The following NFKBIB variants were observed in gnomAD, a reference collection of about 807,000 sequenced individuals.
NFKBIB encodes NF-kappa-B inhibitor beta.
NFKBIB carries 16 observed loss-of-function variants against 32.1 expected under a neutral mutation model. That is an observed-to-expected ratio of 0.50 (90% CI 0.34 to 0.76). The LOEUF is 0.76. Among genes scored for constraint, NFKBIB ranks in the 30% least tolerant of loss-of-function variants. NFKBIB has a pLI of 0.01. For synonymous variants in NFKBIB, 222 were observed against 219.5 expected, an observed-to-expected ratio of 1.01 and a Z score of -0.10; for missense variants, 437 against 514.9, an observed-to-expected ratio of 0.85 and a Z score of 1.46.
chr19:38,905,581 G>A lies in NFKBIB; in HGVS notation c.619+46G>A, dbSNP rs1242569625. On this transcript the variant is annotated intron_variant, in intron 3 of 5. Transcript: ENST00000313582. This position sits in a 1 kb window ranked among gnomAD's most constrained non-coding sequence, Gnocchi z 5.5. The stretch of plus-strand genomic sequence containing the variant: ...AGGACTCAGCTCCTGGGCTAGGCGA[G>A]AGCACCTGGCCCTGGGCTCAGCTTC... The A allele has an allele frequency of 1.4e-6, 2 of 1,468,740 alleles. No homozygotes were observed. Among genetic ancestry groups the A allele is most frequent in the East Asian group, 4.6e-5 (2 of 43,742 alleles). The allele number at this position is 1,468,740 out of a possible 1,614,324, so 91.0% of individuals were successfully genotyped here. A position where few individuals can be genotyped will look rare whatever the true frequency, so the allele number is the denominator to read the frequency against.
chr19:38,908,029 A>C, intron 5 of NFKBIB: 1 of 1,100,326 alleles, frequency 9.1e-7, no homozygotes, highest in Admixed American at 4.7e-5. Context: ...TGATTTGAAC[A>C]CCGGCAGTGC....
chr19:38,907,731 A>C (rs1263692799), intron 5 of NFKBIB, 72 bp downstream of exon 5: 3 of 1,484,322 alleles, frequency 2.0e-6, no homozygotes, highest in African/African-American at 2.8e-5. Context: ...AAGCCCAAGA[A>C]GATAATTAGG....
chr19:38,907,337 G>A (rs375166067), intron 4 of NFKBIB, 28 bp downstream of exon 4: 104 of 1,606,508 alleles, frequency 6.5e-5, no homozygotes, highest in Non-Finnish European at 8.2e-5. Context: ...GGAAGATGCC[G>A]TCGGCGGGAG....
rs1235021942 is a variant in NFKBIB, at chr19:38,905,996, A to C, written c.619+461A>C. On this transcript the variant is annotated intron_variant, in intron 3 of 5. Transcript: ENST00000313582. This position sits in a 1 kb window ranked among gnomAD's most constrained non-coding sequence, Gnocchi z 5.5. Reference sequence around the variant, plus strand: ...CATCTGCCCACAGCCCTGACATCCAAGTTTCTGCTCCCCTGCCTATAAGCC... The same window carrying C: ...CATCTGCCCACAGCCCTGACATCCACGTTTCTGCTCCCCTGCCTATAAGCC... Among the ~76,000 whole-genome samples, 10 of 152,016 alleles carry C rather than the reference A, an allele frequency of 6.6e-5. No homozygotes were observed. Among genetic ancestry groups the C allele is most frequent in the Admixed American group, 5.9e-4 (9 of 15,272 alleles).
At chr19:38,907,036 G>C (rs1280088788) in intron 3 of NFKBIB, among the ~76,000 whole-genome samples, 185 bp from the exon 4 acceptor site, 1 of 152,226 alleles carries the variant, frequency 6.6e-6, no homozygotes, top group East Asian at 1.9e-4. Flanking sequence ...GCACTTGCCA[G>C]CAAGCTCAGG....
chr19:38,902,085 C>CTTTTTTTTTTTCTTTTTTTTTTTT (rs1973985192), intron 1 of NFKBIB, among the ~76,000 whole-genome samples: 1 of 92,368 alleles, frequency 1.1e-5, no homozygotes, highest in African/African-American at 3.9e-5. Flanking sequence ...CATTTTATTT[C>CTTTTTTTTTTTCTTTTTTTTTTTT]TTTTTTTTTT....
chr19:38,908,639 A>C, intron 5 of NFKBIB, 92 bp from the exon 6 acceptor site: 1 of 1,452,156 alleles, frequency 6.9e-7, no homozygotes, highest in Non-Finnish European at 9.1e-7. Flanking sequence ...CTTTGAGGCG[A>C]GACCTAATTC....
At chr19:38,902,984 G>A (rs1035442899) in intron 1 of NFKBIB, among the ~76,000 whole-genome samples, 3 of 152,102 alleles carry the variant, frequency 2.0e-5, no homozygotes, top group Admixed American at 6.5e-5. Context: ...CAGGAGAATC[G>A]CTTGAACCCG....
In NFKBIB at chr19:38,908,408, G is replaced by A. The variant is rs1022804520; in HGVS notation, c.970-323G>A. The A allele has an allele frequency of 4.4e-5, 34 of 778,496 alleles. No homozygotes were observed. The South Asian group carries it at 7.2e-4, about 16-fold the overall frequency. The allele number at this position is 778,496 out of a possible 1,614,324, so 48.2% of individuals were successfully genotyped here. A position where few individuals can be genotyped will look rare whatever the true frequency, so the allele number is the denominator to read the frequency against. On this transcript the variant is annotated intron_variant, in intron 5 of 5. Coordinates refer to ENST00000313582, the MANE Select transcript of NFKBIB (RefSeq NM_002503.5). ...ACAAAAATTAGCTGGGCGTGGTGGCGCATGCCTATAATCCCAGCTACTTGG... is the reference window on the plus strand; with the variant it reads ...ACAAAAATTAGCTGGGCGTGGTGGCACATGCCTATAATCCCAGCTACTTGG...
At chr19:38,907,705 T>C (rs1285500646) in intron 5 of NFKBIB, 46 bp downstream of exon 5, 9 of 1,528,800 alleles carry the variant, frequency 5.9e-6, no homozygotes, top group Non-Finnish European at 7.9e-6. Flanking sequence ...GGGGTCAGGA[T>C]AGACCGGCAG....
chr19:38,907,766 G>C, intron 5 of NFKBIB, 107 bp downstream of exon 5: 2 of 1,456,134 alleles, frequency 1.4e-6, no homozygotes, highest in Admixed American at 2.6e-5. Flanking sequence ...TGCTGTTAGA[G>C]AACTCAGGCA....
chr19:38,905,066 TCTA>T lies in NFKBIB; in HGVS notation c.232_234del (p.Leu78del). 4 of 1,614,160 alleles carry T rather than the reference TCTA, an allele frequency of 2.5e-6. No individual in the cohort carries two copies. Among genetic ancestry groups the T allele is most frequent in the Non-Finnish European group, 2.5e-6 (3 of 1,180,024 alleles). On this transcript the variant is annotated inframe_deletion, in exon 2 of 6. Transcript: ENST00000313582. This position sits in a 1 kb window ranked among gnomAD's most constrained non-coding sequence, Gnocchi z 5.5. The stretch of plus-strand genomic sequence containing the variant: ...AGCATGAACCCTTCCTGGATTTTCT[TCTA>T]GGCTTCTCGGCCGGCACTGAGTACA...
chr19:38,908,188 A>C lies in NFKBIB; in HGVS notation c.969+529A>C, dbSNP rs535872703. On this transcript the variant is annotated intron_variant, in intron 5 of 5. Transcript: ENST00000313582. ...GGAAGGGGTGGAGGAGGGCCAGCTC[A>C]GTTGCCGAAACTCTGGAGTGGCGGC... 114 of 994,222 alleles carry C rather than the reference A, an allele frequency of 1.1e-4. 1 individual carries two copies. In the South Asian group the frequency reaches 4.3e-3, roughly 38 times the overall value. 61.6% of individuals were successfully genotyped at this position (994,222 alleles called of 1,614,324 possible). A position where few individuals can be genotyped will look rare whatever the true frequency, so the allele number is the denominator to read the frequency against.
chr19:38,905,055 C>T lies in NFKBIB; in HGVS notation c.220C>T (p.Leu74=). 4.3e-6 allele frequency: 7 copies of T among 1,614,126 alleles called. No individual in the cohort carries two copies. Among genetic ancestry groups the T allele is most frequent in the Non-Finnish European group, 5.9e-6 (7 of 1,180,010 alleles). The change falls in exon 2 of 6, where the codon CTG becomes TTG. Residue 74 remains leucine (L), a synonymous_variant. Coordinates refer to ENST00000313582, the MANE Select transcript of NFKBIB (RefSeq NM_002503.5). This position sits in a 1 kb window ranked among gnomAD's most constrained non-coding sequence, Gnocchi z 5.5. ...TGTGATTCATCAGCATGAACCCTTCCTGGATTTTCTTCTAGGCTTCTCGGC... is the reference window on the plus strand; with the variant it reads ...TGTGATTCATCAGCATGAACCCTTCTTGGATTTTCTTCTAGGCTTCTCGGC... The part of the protein sequence containing the change: ...LAVIHQHEPF[L]DFLLGFSAGT...
At chr19:38,900,980 AAG>A (rs1458899827) in intron 1 of NFKBIB, among the ~76,000 whole-genome samples, 3 of 144,448 alleles carry the variant, frequency 2.1e-5, no homozygotes, top group African/African-American at 7.6e-5. Flanking sequence ...CATAGAAAGT[AAG>A]AAAAGGAAAT....
intron 3 of NFKBIB, among the ~76,000 whole-genome samples, chr19:38,906,131 CTTTT>C (rs11300670): frequency 2.1e-5 from 2 of 97,374 alleles, no homozygotes; most frequent in South Asian, 3.4e-4. Context: ...TACTTGGTAC[CTTTT>C]TTTTTTTTTT....
Position 38,907,567 on chromosome 19 carries a change from C to T in NFKBIB, c.877C>T (p.Leu293Phe), listed in dbSNP as rs1454278658. 4 of 1,612,444 alleles carry T rather than the reference C, an allele frequency of 2.5e-6. No homozygotes were observed. The highest frequency in any genetic ancestry group is 3.4e-6 in the Non-Finnish European group (4 of 1,179,690). Residue 293 changes from leucine to phenylalanine, a missense_variant, in exon 5 of 6, where the codon CTC (leucine) becomes TTC (phenylalanine). By Grantham distance (22) the Leu-to-Phe change is conservative. Transcript: ENST00000313582. ...GCCCAACCCCATCCTCGCCCGCCTCCTCCGTGCACACGGAGCCCCTGAGCC... is the reference window on the plus strand; with the variant it reads ...GCCCAACCCCATCCTCGCCCGCCTCTTCCGTGCACACGGAGCCCCTGAGCC... ...LRPNPILARL[L>F]RAHGAPEPEG... is the part of the protein sequence containing the mutation.
Position 38,905,268 on chromosome 19 carries a change from G to A in NFKBIB, c.352G>A (p.Ala118Thr). ...STVEKLYAAG[A>T]GLCVAERRGH... ...GGTGGAGAAGCTGTACGCAGCAGGC[G>A]CCGGGCTGTGTGTGGCGGAGCGTAG... The change falls in exon 3 of 6, where the codon GCC (alanine) becomes ACC (threonine). Residue 118 changes from alanine (A) to threonine (T), a missense_variant. Transcript: ENST00000313582. This position sits in a 1 kb window ranked among gnomAD's most constrained non-coding sequence, Gnocchi z 5.5. 6 of 1,596,088 alleles carry A rather than the reference G, an allele frequency of 3.8e-6. No individual in the cohort carries two copies. The highest frequency in any genetic ancestry group is 3.4e-5 in the South Asian group (3 of 88,498).
At chr19:38,901,453 C>A (rs938580092) in intron 1 of NFKBIB, among the ~76,000 whole-genome samples, 1 of 151,780 alleles carries the variant, frequency 6.6e-6, no homozygotes, top group East Asian at 1.9e-4. Flanking sequence ...TGCCACCATG[C>A]CTGGCAAATT....
Sources: allele counts gnomAD v4.1 joint callset (sites outside exome capture counted in the v4.1 genomes callset), GRCh38; gene constraint gnomAD v4.1.1; non-coding constraint Gnocchi (gnomAD v3.1); transcripts MANE v1.5; gene names NCBI Gene and HGNC (gene_info 2026-07-23, HGNC 2026-07-21).